The following CNTN1 variants were observed in gnomAD, a reference collection of about 807,000 sequenced individuals.
CNTN1 encodes the protein contactin-1.
A neutral mutation model predicts 126.4 loss-of-function variants in CNTN1; 38 were observed. The ratio of observed to expected loss-of-function variants is 0.30; its 90% confidence interval spans 0.23 to 0.39. CNTN1 has a LOEUF of 0.39. Among genes scored for constraint, CNTN1 ranks in the 10% least tolerant of loss-of-function variants. The pLI, the probability that CNTN1 is intolerant of heterozygous loss-of-function variation, is 1.00. For missense variants in CNTN1, 1,009 were observed against 1,248.4 expected (o/e 0.81, Z 2.89); for synonymous variants, 413 against 422.6 (o/e 0.98, Z 0.28).
chr12:40,786,258 G>T (rs1322556214), intron 1 of CNTN1, among the ~76,000 whole-genome samples: 1 of 152,164 alleles, frequency 6.6e-6, no homozygotes, highest in Non-Finnish European at 1.5e-5. Context: ...GTTGCACTCA[G>T]CTTCTAAAGG....
intron 16 of CNTN1, among the ~76,000 whole-genome samples, chr12:40,985,808 ATATGTTAGAT>A (rs1947941870): frequency 6.6e-6 from 1 of 151,944 alleles, no homozygotes; most frequent in Non-Finnish European, 1.5e-5. Context: ...CTCTTGACAC[ATATGTTAGAT>A]TGTTTGATGT....
At chr12:40,861,725 T>G (rs1943121070) in intron 1 of CNTN1, among the ~76,000 whole-genome samples, 1 of 152,206 alleles carries the variant, frequency 6.6e-6, no homozygotes, top group Non-Finnish European at 1.5e-5. Context: ...CTCATTAATT[T>G]TTTATTGGTT....
intron 1 of CNTN1, among the ~76,000 whole-genome samples, chr12:40,897,140 T>G (rs981229323): frequency 6.6e-6 from 1 of 152,232 alleles, no homozygotes; most frequent in South Asian, 2.1e-4. Flanking sequence ...GAATGAATGA[T>G]GAAATGATAG....
chr12:40,720,147 A>C (rs1942159906), intron 1 of CNTN1, among the ~76,000 whole-genome samples: 1 of 151,638 alleles, frequency 6.6e-6, no homozygotes, highest in Non-Finnish European at 1.5e-5. Flanking sequence ...CACCGCGCCA[A>C]GCCTAATGTG....
intron 1 of CNTN1, among the ~76,000 whole-genome samples, chr12:40,801,174 A>C (rs968066523): frequency 1.3e-5 from 2 of 151,988 alleles, no homozygotes; most frequent in Admixed American, 6.6e-5. Flanking sequence ...CAAGCATCTC[A>C]GTTCTAGATG....
At chr12:40,695,881 T>G (rs1270336960) in intron 1 of CNTN1, among the ~76,000 whole-genome samples, 1 of 152,236 alleles carries the variant, frequency 6.6e-6, no homozygotes, top group African/African-American at 2.4e-5. Context: ...GTTCTCCTTC[T>G]GCATTTCCAT....
At chr12:40,856,214 C>T (rs1379855983) in intron 1 of CNTN1, among the ~76,000 whole-genome samples, 1 of 151,850 alleles carries the variant, frequency 6.6e-6, no homozygotes, top group Non-Finnish European at 1.5e-5. Flanking sequence ...ATTTGTATGC[C>T]CTCAGGAATA....
intron 1 of CNTN1, among the ~76,000 whole-genome samples, chr12:40,811,476 G>T (rs1035809402): frequency 5.3e-5 from 8 of 152,134 alleles, no homozygotes; most frequent in African/African-American, 1.7e-4. Flanking sequence ...GTTTGAGAAA[G>T]ATTGGTGTAA....
chr12:40,935,833 G>C (rs986636541), intron 9 of CNTN1, among the ~76,000 whole-genome samples: 1 of 151,950 alleles, frequency 6.6e-6, no homozygotes, highest in Non-Finnish European at 1.5e-5. Flanking sequence ...AATGTATAAT[G>C]TTGATGGTAT....
At chr12:40,912,770 C>T (rs896811318) in intron 3 of CNTN1, among the ~76,000 whole-genome samples, 6 of 152,116 alleles carry the variant, frequency 3.9e-5, no homozygotes, top group Non-Finnish European at 8.8e-5. Context: ...GAATTATTTT[C>T]AGTACATATT....
intron 6 of CNTN1, 37 bp from the exon 7 acceptor site, chr12:40,929,759 A>T: frequency 6.7e-7 from 1 of 1,488,016 alleles, no homozygotes; most frequent in African/African-American, 1.4e-5. Flanking sequence ...ACTTTGGGAG[A>T]AGCACTTAAT....
intron 9 of CNTN1, among the ~76,000 whole-genome samples, chr12:40,934,570 C>T (rs560292731): frequency 4.2e-4 from 63 of 151,802 alleles, no homozygotes; most frequent in African/African-American, 1.4e-3. Context: ...TATAATGTTC[C>T]ACAACATGAA....
chr12:41,030,626 A>T (rs1462299195), intron 23 of CNTN1, among the ~76,000 whole-genome samples: 2 of 152,120 alleles, frequency 1.3e-5, no homozygotes, highest in African/African-American at 4.8e-5. Flanking sequence ...AAATATGCAA[A>T]CTCATTAAAG....
chr12:40,804,643 T>C (rs1232302117), intron 1 of CNTN1, among the ~76,000 whole-genome samples: 1 of 151,962 alleles, frequency 6.6e-6, no homozygotes, highest in Admixed American at 6.6e-5. Context: ...AGGCAAATTT[T>C]AATGGATTCA....
chr12:40,769,251 T>G (rs1939241498), intron 1 of CNTN1, among the ~76,000 whole-genome samples: 1 of 145,404 alleles, frequency 6.9e-6, no homozygotes, highest in African/African-American at 2.4e-5. Context: ...TTTTAGTAGT[T>G]GTAAACAATA....
chr12:40,853,352 A>G (rs1018431002), intron 1 of CNTN1, among the ~76,000 whole-genome samples: 1 of 152,190 alleles, frequency 6.6e-6, no homozygotes, highest in African/African-American at 2.4e-5. Context: ...CAATGGCTCC[A>G]TTATTAGTGG....
At chr12:40,938,172 A>G (rs988273493) in intron 11 of CNTN1, among the ~76,000 whole-genome samples, 4 of 152,194 alleles carry the variant, frequency 2.6e-5, no homozygotes, top group Admixed American at 2.0e-4. Context: ...TGCCAAGGGA[A>G]GAGGAGAGTG....
chr12:40,791,034 C>T (rs1940202110), intron 1 of CNTN1, among the ~76,000 whole-genome samples: 1 of 152,070 alleles, frequency 6.6e-6, no homozygotes, highest in Non-Finnish European at 1.5e-5. Flanking sequence ...AGAACACTTT[C>T]CTCAAATTCT....
intron 1 of CNTN1, among the ~76,000 whole-genome samples, chr12:40,889,232 T>C (rs115416416): frequency 1.3e-3 from 198 of 152,246 alleles, no homozygotes; most frequent in African/African-American, 4.0e-3. Context: ...CTTTATTAAC[T>C]AGATTTTAGC....
Sources: gnomAD v4.1 joint callset for allele counts (sites outside exome capture counted in the v4.1 genomes callset) on GRCh38, gnomAD v4.1.1 for gene constraint, MANE v1.5 for transcripts, NCBI Gene and HGNC (gene_info 2026-07-23, HGNC 2026-07-21) for gene names.